Variants in DEAF1 observed in about 807,000 individuals in gnomAD.
DEAF1 encodes deformed epidermal autoregulatory factor 1 homolog.
In DEAF1, 53 loss-of-function variants were observed where a neutral mutation model predicts 58.9. The observed-to-expected ratio is 0.90, with a 90% confidence interval of 0.72 to 1.13. The LOEUF (loss-of-function observed/expected upper bound fraction) is 1.13, where lower values mean the gene tolerates loss of function less well. DEAF1 is among the 50% of genes most tolerant of loss of function. The pLI is 0.00. For synonymous variants in DEAF1, 385 were observed against 340.4 expected (o/e 1.13, Z -1.44); for missense variants, 685 against 791.4 (o/e 0.87, Z 1.61).
chr11:659,749 A>G (rs1309829957), intron 10 of DEAF1, among the ~76,000 whole-genome samples: 1 of 152,172 alleles, frequency 6.6e-6, no homozygotes, highest in African/African-American at 2.4e-5. Context: ...CCGGCACTGC[A>G]GTGAGTTCAG....
upstream of DEAF1, among the ~76,000 whole-genome samples, chr11:696,848 A>C (rs1861201422): frequency 1.1e-5 from 1 of 92,206 alleles, no homozygotes; most frequent in South Asian, 3.8e-4. Flanking sequence ...GGGAGGCCAA[A>C]GCGGGCGGAT....
chr11:653,083 CAAAAAAA>C (rs71022946), intron 11 of DEAF1, among the ~76,000 whole-genome samples: 4 of 62,274 alleles, frequency 6.4e-5, no homozygotes, highest in African/African-American at 1.4e-4. Context: ...GACTCTGTCT[CAAAAAAA>C]AAAAAAAAAA....
chr11:660,949 C>T (rs11246246), intron 10 of DEAF1, among the ~76,000 whole-genome samples: 216 of 152,334 alleles, frequency 1.4e-3, no homozygotes, highest in African/African-American at 4.9e-3. Context: ...TCCACCCTTC[C>T]AGATCCCCAG....
exon 1 of DEAF1, among the ~76,000 whole-genome samples, chr11:707,005 G>C (rs1434625638): frequency 1.3e-5 from 2 of 151,976 alleles, no homozygotes; most frequent in African/African-American, 4.8e-5. Flanking sequence ...CCTGGTGGCA[G>C]GGGAGGGGGA....
Position 684,955 on chromosome 11 carries a change from G to A in DEAF1, c.813C>T (p.Ile271=). 2 of 1,551,510 alleles carry A rather than the reference G, an allele frequency of 1.3e-6. No homozygotes were observed. The highest frequency in any genetic ancestry group is 1.7e-6 in the Non-Finnish European group (2 of 1,146,972). The change falls in exon 6 of 12, where the codon ATC becomes ATT. Residue 271 remains isoleucine (I), a synonymous_variant. Coordinates refer to ENST00000382409, the MANE Select transcript of DEAF1 (RefSeq NM_021008.4). ...RPLQCLIQDG[I]LNPHAASCTC... Reference sequence around the variant, plus strand: ...TGCAAGAGGCAGCGTGAGGGTTTAAGATCCCATCCTGAGATGTGAAAAGAA... The same window carrying A: ...TGCAAGAGGCAGCGTGAGGGTTTAAAATCCCATCCTGAGATGTGAAAAGAA...
chr11:685,065 T>G, intron 5 of DEAF1, 102 bp from the exon 6 acceptor site: 1 of 704,706 alleles, frequency 1.4e-6, no homozygotes, highest in Non-Finnish European at 2.4e-6. Context: ...TACCTACCAT[T>G]CATAAATATA....
At chr11:706,783 G>T in exon 1 of DEAF1, 1 of 152,908 alleles carries the variant, frequency 6.5e-6, no homozygotes, top group Non-Finnish European at 1.5e-5. Context: ...GAAACCAGTG[G>T]CCGGGAAGCA....
intron 11 of DEAF1, among the ~76,000 whole-genome samples, chr11:650,751 C>T (rs149797391): frequency 0.017 from 2,584 of 151,890 alleles, 37 homozygotes; most frequent in Middle Eastern, 0.044. Context: ...TCCAAGGGGT[C>T]GAGACCAGCC....
At chr11:702,013 A>G (rs933418099) in intron 1 of DEAF1, among the ~76,000 whole-genome samples, 5 of 152,204 alleles carry the variant, frequency 3.3e-5, no homozygotes, top group Admixed American at 1.3e-4. Flanking sequence ...TGGGGAACGC[A>G]ATGGGCACTT....
intron 10 of DEAF1, among the ~76,000 whole-genome samples, chr11:668,104 C>G (rs1859639550): frequency 6.6e-6 from 1 of 152,112 alleles, no homozygotes. Context: ...AAGAGCGAGA[C>G]TCTGTCTCAA....
At chr11:674,319 C>A in intron 10 of DEAF1, 1 of 636,186 alleles carries the variant, frequency 1.6e-6, no homozygotes, top group Non-Finnish European at 2.7e-6. Flanking sequence ...ACAAAGCAAC[C>A]TTATTTACAA....
In DEAF1 at chr11:644,625, G is replaced by T. The variant is rs1339373859; in HGVS notation, c.1623C>A (p.Gly541=). The T allele has an allele frequency of 6.2e-7, 1 of 1,612,466 alleles. No homozygotes were observed. The highest frequency in any genetic ancestry group is 8.5e-7 in the Non-Finnish European group (1 of 1,179,814). Residue 541 remains glycine (G), a synonymous_variant, in exon 12 of 12, where the codon GGC becomes GGA. Coordinates refer to ENST00000382409, the MANE Select transcript of DEAF1 (RefSeq NM_021008.4). The surrounding 1 kb of genome is among the most constrained non-coding windows in gnomAD (Gnocchi z 4.3). Reference sequence around the variant, plus strand: ...CCTGGACGGTGACAGCTGCTGACTGGCCGCATATGTGCTGGTGATCCTTCC... The same window carrying T: ...CCTGGACGGTGACAGCTGCTGACTGTCCGCATATGTGCTGGTGATCCTTCC... ...KDWKDHQHIC[G]QSAAVTVQAD...
chr11:680,827 A>G, intron 7 of DEAF1, 136 bp downstream of exon 7: 1 of 1,292,926 alleles, frequency 7.7e-7, no homozygotes, highest in Non-Finnish European at 1.1e-6. Flanking sequence ...AAGGAGTGTG[A>G]TGGCGTTGGA....
chr11:681,940 T>C (rs867416866), intron 6 of DEAF1, among the ~76,000 whole-genome samples: 2 of 152,194 alleles, frequency 1.3e-5, no homozygotes, highest in African/African-American at 2.4e-5. Flanking sequence ...TTGCATGTCT[T>C]ATCATCTTTT....
At chr11:698,954 C>G, upstream of DEAF1, 1 of 1,595,262 alleles carries the variant, frequency 6.3e-7, no homozygotes, top group Non-Finnish European at 8.6e-7. Flanking sequence ...ACAGAGAGCA[C>G]TCGGCCTCAC....
intron 10 of DEAF1, among the ~76,000 whole-genome samples, chr11:655,534 C>T (rs1013973746): frequency 4.2e-5 from 3 of 71,022 alleles, no homozygotes; most frequent in African/African-American, 2.2e-4. Flanking sequence ...GCGCCCAGAT[C>T]ATCCGCAGCT....
chr11:645,380 A>G (rs1209497120), intron 11 of DEAF1, among the ~76,000 whole-genome samples: 2 of 133,150 alleles, frequency 1.5e-5, no homozygotes, highest in Non-Finnish European at 3.4e-5. Context: ...TGTAACGCGC[A>G]ATCTCGGCTC....
intron 10 of DEAF1, among the ~76,000 whole-genome samples, chr11:670,926 C>T (rs1489836677): frequency 2.3e-5 from 1 of 43,924 alleles, no homozygotes; most frequent in Admixed American, 2.2e-4. Flanking sequence ...CCACACCTGG[C>T]TAATGTTTTT....
At chr11:702,432 C>T (rs906524692) in intron 1 of DEAF1, among the ~76,000 whole-genome samples, 1 of 152,242 alleles carries the variant, frequency 6.6e-6, no homozygotes, top group Non-Finnish European at 1.5e-5. Flanking sequence ...GGACCCTCCC[C>T]AAGCGCGCCG....
Sources: allele counts gnomAD v4.1 joint callset (sites outside exome capture counted in the v4.1 genomes callset), GRCh38; gene constraint gnomAD v4.1.1; non-coding constraint Gnocchi (gnomAD v3.1); transcripts MANE v1.5; gene names NCBI Gene and HGNC (gene_info 2026-07-23, HGNC 2026-07-21).